JARID2: variants seen among roughly 807,000 people sequenced by gnomAD.
JARID2 encodes jumonji and AT-rich interaction domain containing 2, also known as protein Jumonji.
Under a neutral mutation model 125.6 loss-of-function variants are expected in JARID2, and 21 were observed. The observed-to-expected ratio is 0.17, with a 90% CI of 0.12 to 0.24. The LOEUF (loss-of-function observed/expected upper bound fraction) is 0.24. Among genes scored for constraint, JARID2 ranks in the 10% least tolerant of loss-of-function variants. JARID2 has a pLI of 1.00. For synonymous variants in JARID2, 736 were observed against 661.6 expected (o/e 1.11, Z -1.73); for missense variants, 1,303 against 1,639.6 (o/e 0.79, Z 3.55).
At chr6:15,324,031 A>G (rs1482545180) in intron 1 of JARID2, among the ~76,000 whole-genome samples, 1 of 151,700 alleles carries the variant, frequency 6.6e-6, no homozygotes, top group Non-Finnish European at 1.5e-5. Flanking sequence ...AAATACAAAA[A>G]ATTAGCCGGG....
rs554471181 is a variant in JARID2 at position 15,507,472 on chromosome 6, C to T, written c.2731+56C>T. ...CAGCTGTGTCCATGAGTCCTACTTG[C>T]TGAGAACCAGGGCTGGGAAATCCCT... On this transcript the variant is annotated intron_variant, in intron 11 of 17. Coordinates refer to ENST00000341776, the MANE Select transcript of JARID2 (RefSeq NM_004973.4). 4 of 1,474,892 alleles carry T rather than the reference C, an allele frequency of 2.7e-6. No homozygotes were observed. In the African/African-American group the frequency reaches 4.2e-5, roughly 15 times the overall value. 91.4% of individuals were successfully genotyped at this position (1,474,892 alleles called of 1,614,324 possible). A position where few individuals can be genotyped will look rare whatever the true frequency, so the allele number is the denominator to read the frequency against.
At chr6:15,473,151 A>G (rs1297742701) in intron 5 of JARID2, among the ~76,000 whole-genome samples, 1 of 152,258 alleles carries the variant, frequency 6.6e-6, no homozygotes, top group East Asian at 1.9e-4. Flanking sequence ...GTGCTGAAAC[A>G]TAATCATAGA....
intron 1 of JARID2, among the ~76,000 whole-genome samples, chr6:15,337,779 G>C (rs1762929725): frequency 6.6e-6 from 1 of 151,858 alleles, no homozygotes; most frequent in Non-Finnish European, 1.5e-5. Flanking sequence ...AGTTAACGAA[G>C]GAACGGCCCC....
intron 1 of JARID2, among the ~76,000 whole-genome samples, chr6:15,319,865 T>A (rs953157733): frequency 7.9e-5 from 12 of 152,220 alleles, no homozygotes; most frequent in Non-Finnish European, 1.6e-4. Context: ...GCAAATTTGA[T>A]GCAGTCATCA....
chr6:15,360,942 A>G (rs1763770428), intron 1 of JARID2, among the ~76,000 whole-genome samples: 1 of 152,134 alleles, frequency 6.6e-6, no homozygotes, highest in Non-Finnish European at 1.5e-5. Flanking sequence ...GCTTTTGTTT[A>G]TTTTTTGTTA....
rs1333614307 is a variant in JARID2, at chr6:15,513,943, T to C, written c.3450+521T>C. Among the ~76,000 whole-genome samples the C allele has an allele frequency of 2.6e-5, 4 of 152,230 alleles. No individual in the cohort carries two copies. The East Asian group carries it at 5.8e-4, about 22-fold the overall frequency. On this transcript the variant is annotated intron_variant, in intron 16 of 17. Coordinates refer to ENST00000341776, the MANE Select transcript of JARID2 (RefSeq NM_004973.4). ...TTCAGAATCTATCCTTGGTGAAAGC[T>C]GATGTTCCTCCTGTCCCATCTGGGA...
At chr6:15,433,329 T>C (rs1297774567) in intron 3 of JARID2, among the ~76,000 whole-genome samples, 1 of 152,128 alleles carries the variant, frequency 6.6e-6, no homozygotes, top group Non-Finnish European at 1.5e-5. Flanking sequence ...TAATAATGTC[T>C]TTCCTTCCCT....
rs188278333 is a variant in JARID2 at position 15,379,895 on chromosome 6, C to T, written c.181+5643C>T. ...ATTAGAGCTCCCAAGCTTGTAGCCACCACTTAGATAAGGAGAGGTAATTTT... is the reference window on the plus strand; with the variant it reads ...ATTAGAGCTCCCAAGCTTGTAGCCATCACTTAGATAAGGAGAGGTAATTTT... On this transcript the variant is annotated intron_variant, in intron 2 of 17. Coordinates refer to ENST00000341776, the MANE Select transcript of JARID2 (RefSeq NM_004973.4). 4.5e-3 allele frequency among the ~76,000 whole-genome samples: 685 copies of T among 152,106 alleles called. 5 individuals carry two copies. Among genetic ancestry groups the T allele is most frequent in the South Asian group, 0.02 (97 of 4,818 alleles).
At chr6:15,390,781 C>T (rs1402849707) in intron 2 of JARID2, among the ~76,000 whole-genome samples, 1 of 152,128 alleles carries the variant, frequency 6.6e-6, no homozygotes, top group Non-Finnish European at 1.5e-5. Context: ...CAGCTCAGGT[C>T]CAGTAGGCCG....
At chr6:15,345,718 T>G (rs979181932) in intron 1 of JARID2, among the ~76,000 whole-genome samples, 1 of 152,270 alleles carries the variant, frequency 6.6e-6, no homozygotes, top group African/African-American at 2.4e-5. Flanking sequence ...TCCTCTTAGA[T>G]GGAAATTTTC....
intron 1 of JARID2, among the ~76,000 whole-genome samples, chr6:15,302,678 C>A (rs896703137): frequency 6.6e-6 from 1 of 152,188 alleles, no homozygotes; most frequent in South Asian, 2.1e-4. Context: ...CAAAGGATAA[C>A]ATATAACCTC....
At chr6:15,357,175 C>CT (rs1478896243) in intron 1 of JARID2, among the ~76,000 whole-genome samples, 1 of 152,180 alleles carries the variant, frequency 6.6e-6, no homozygotes, top group Non-Finnish European at 1.5e-5. Context: ...CCTTCATGGC[C>CT]TAGGAAAGTC....
chr6:15,317,781 G>T (rs1426693482), intron 1 of JARID2, among the ~76,000 whole-genome samples: 1 of 152,220 alleles, frequency 6.6e-6, no homozygotes, highest in African/African-American at 2.4e-5. Flanking sequence ...TCTTCAGGGT[G>T]GATGCACCCT....
intron 4 of JARID2, among the ~76,000 whole-genome samples, chr6:15,454,497 C>T (rs773927823): frequency 1.3e-5 from 2 of 152,118 alleles, no homozygotes; most frequent in East Asian, 1.9e-4. Flanking sequence ...GGTCTTGTCT[C>T]ATATCAAAAT....
intron 1 of JARID2, 121 bp downstream of exon 1, chr6:15,246,705 C>CT (rs34353647): frequency 0.02 from 17,862 of 889,426 alleles, 282 homozygotes; most frequent in Non-Finnish European, 0.02. Flanking sequence ...AAGGCTGTTT[C>CT]TTTTTTTTCT....
At chr6:15,363,036 A>G (rs772658637) in intron 1 of JARID2, among the ~76,000 whole-genome samples, 1 of 152,134 alleles carries the variant, frequency 6.6e-6, no homozygotes, top group Admixed American at 6.5e-5. Context: ...CAGTATTTAG[A>G]TTATGATTGG....
intron 4 of JARID2, among the ~76,000 whole-genome samples, chr6:15,465,805 TGTTTG>T (rs1455750857): frequency 8.0e-5 from 12 of 150,462 alleles, no homozygotes; most frequent in African/African-American, 3.0e-4. Context: ...TTTGTTTGTT[TGTTTG>T]TTTGTTTTTT....
intron 1 of JARID2, among the ~76,000 whole-genome samples, chr6:15,353,787 A>G (rs1366548587): frequency 6.6e-6 from 1 of 152,190 alleles, no homozygotes; most frequent in African/African-American, 2.4e-5. Context: ...CTTTCTAGGG[A>G]AACGTAACAG....
intron 14 of JARID2, 91 bp from the exon 15 acceptor site, chr6:15,512,824 A>C (rs1288683129): frequency 7.9e-7 from 1 of 1,271,466 alleles, no homozygotes; most frequent in Non-Finnish European, 1.1e-6. Context: ...TTAGAAATTC[A>C]GACAGCCTGC....
Sources: allele counts gnomAD v4.1 joint callset (sites outside exome capture counted in the v4.1 genomes callset), GRCh38; gene constraint gnomAD v4.1.1; transcripts MANE v1.5; gene names NCBI Gene and HGNC (gene_info 2026-07-23, HGNC 2026-07-21).